Variants in ELOVL6 observed in about 807,000 individuals in gnomAD.
ELOVL6 encodes ELOVL fatty acid elongase 6.
In ELOVL6, 8 loss-of-function variants were observed where a neutral mutation model predicts 31.7. That is an observed-to-expected ratio of 0.25 (90% CI 0.15 to 0.45). ELOVL6 has a LOEUF of 0.45. Among genes scored for constraint, ELOVL6 ranks in the 20% least tolerant of loss-of-function variants. The pLI is 1.00. For missense variants in ELOVL6, 126 were observed against 326.4 expected (o/e 0.39, Z 4.73); for synonymous variants, 101 against 117.7 (o/e 0.86, Z 0.92).
chr4:110,092,732 T>G (rs1209759527), intron 2 of ELOVL6, among the ~76,000 whole-genome samples: 1 of 152,196 alleles, frequency 6.6e-6, no homozygotes, highest in African/African-American at 2.4e-5. Flanking sequence ...TTAGGCAATT[T>G]CATTAAAAGT....
At chr4:110,085,831 C>A (rs1756248253) in intron 2 of ELOVL6, among the ~76,000 whole-genome samples, 1 of 152,186 alleles carries the variant, frequency 6.6e-6, no homozygotes, top group Non-Finnish European at 1.5e-5. Flanking sequence ...TCTCCCACCT[C>A]AGCCTCCTGA....
intron 2 of ELOVL6, among the ~76,000 whole-genome samples, chr4:110,094,033 T>C (rs1578475926): frequency 6.6e-6 from 1 of 151,994 alleles, no homozygotes; most frequent in African/African-American, 2.4e-5. Flanking sequence ...GGCAGATTAC[T>C]GAGGTCAGGA....
chr4:110,066,975 T>C (rs969985734), intron 2 of ELOVL6, among the ~76,000 whole-genome samples: 3 of 151,988 alleles, frequency 2.0e-5, no homozygotes, highest in Admixed American at 6.6e-5. Context: ...CGTCCATGTG[T>C]TCTCATTGAG....
chr4:110,133,988 A>G (rs1757740781), intron 1 of ELOVL6, among the ~76,000 whole-genome samples: 1 of 152,228 alleles, frequency 6.6e-6, no homozygotes, highest in South Asian at 2.1e-4. Context: ...TGATTATTTC[A>G]TGTATCCATT....
chr4:110,117,399 C>G (rs1259786139), intron 1 of ELOVL6, among the ~76,000 whole-genome samples: 1 of 152,152 alleles, frequency 6.6e-6, no homozygotes, highest in Non-Finnish European at 1.5e-5. Flanking sequence ...TGAATTGCTT[C>G]AAATTGATTT....
chr4:110,072,944 T>G (rs1036118016), intron 2 of ELOVL6, among the ~76,000 whole-genome samples: 3 of 152,200 alleles, frequency 2.0e-5, no homozygotes, highest in African/African-American at 7.2e-5. Context: ...CGAAATGATT[T>G]TGAAAATGAG....
chr4:110,088,993 T>C (rs1336110771), intron 2 of ELOVL6, among the ~76,000 whole-genome samples: 2 of 152,204 alleles, frequency 1.3e-5, no homozygotes, highest in Non-Finnish European at 2.9e-5. Context: ...CACTCGTGTT[T>C]CATTGTAGGG....
rs147392031 is a variant in ELOVL6 at position 110,092,591 on chromosome 4, G to A, written c.221+12906C>T. On this transcript the variant is annotated intron_variant, in intron 2 of 3. Coordinates refer to ENST00000302274, the MANE Select transcript of ELOVL6 (RefSeq NM_024090.3). ...TAATTCTCTGCTCACTAATGAGAAC[G>A]ACCAGAGAAGAAAAGTCTAGTATTT... is the stretch of plus-strand genomic sequence containing the variant. 6.2e-3 allele frequency among the ~76,000 whole-genome samples: 949 copies of A among 152,214 alleles called. 8 individuals are homozygous for A. The highest frequency in any genetic ancestry group is 0.022 in the African/African-American group (910 of 41,534).
chr4:110,172,421 C>G lies in ELOVL6; in HGVS notation c.89+25826G>C, dbSNP rs1172060330. Among the ~76,000 whole-genome samples, 5 of 152,176 alleles carry G rather than the reference C, an allele frequency of 3.3e-5. No individual in the cohort carries two copies. The South Asian group carries it at 1.0e-3, about 32-fold the overall frequency. ...ACCAGACACTTGTAGGAACTTAATT[C>G]TTATATTCCACCTGGGAGCAATGAT... is the stretch of plus-strand genomic sequence containing the variant. On this transcript the variant is annotated intron_variant, in intron 1 of 3. Coordinates refer to ENST00000302274, the MANE Select transcript of ELOVL6 (RefSeq NM_024090.3).
At position 110,100,681 on chromosome 4, in the gene ELOVL6, C is replaced by A. The variant is rs111478687; in HGVS notation, c.221+4816G>T. ...AGCAGTGAAATACACAAAAATTCCT[C>A]TTTTTGGTGATTTTCCAAAAGAAAA... On this transcript the variant is annotated intron_variant, in intron 2 of 3. Coordinates refer to ENST00000302274, the MANE Select transcript of ELOVL6 (RefSeq NM_024090.3). 7.1e-3 allele frequency among the ~76,000 whole-genome samples: 1,076 copies of A among 152,306 alleles called. 12 individuals are homozygous for A. Among genetic ancestry groups the A allele is most frequent in the African/African-American group, 0.024 (1,008 of 41,568 alleles).
At chr4:110,198,649 T>C (rs756877607), upstream of ELOVL6, 1 of 273,384 alleles carries the variant, frequency 3.7e-6, no homozygotes. Context: ...TTTTTACTCG[T>C]CTACAGGGAA....
At position 110,093,700 on chromosome 4, in the gene ELOVL6, AAC is replaced by A. The variant is rs1756485452; in HGVS notation, c.221+11795_221+11796del. Among the ~76,000 whole-genome samples the A allele has an allele frequency of 2.6e-5, 4 of 152,326 alleles. No individual in the cohort carries two copies. The South Asian group carries it at 6.2e-4, about 24-fold the overall frequency. On this transcript the variant is annotated intron_variant, in intron 2 of 3. Transcript: ENST00000302274. ...AAAGAGCACCTACTTAGGCACTAGA[AAC>A]ACAGCAGGAAATCAGACAGACAAAA...
intron 2 of ELOVL6, among the ~76,000 whole-genome samples, chr4:110,065,068 T>C (rs1014334950): frequency 3.9e-5 from 6 of 152,138 alleles, no homozygotes; most frequent in Non-Finnish European, 8.8e-5. Context: ...CTACAGCCTA[T>C]TGCAGGAGAC....
At chr4:110,084,185 A>ACATATATGTGATATAT (rs1756066319) in intron 2 of ELOVL6, among the ~76,000 whole-genome samples, 1 of 67,598 alleles carries the variant, frequency 1.5e-5, no homozygotes, top group Admixed American at 1.7e-4. Context: ...GATATATATA[A>ACATATATGTGATATAT]CATATAACTT....
intron 2 of ELOVL6, among the ~76,000 whole-genome samples, chr4:110,072,677 C>A (rs1009175065): frequency 1.3e-5 from 2 of 152,024 alleles, no homozygotes; most frequent in Non-Finnish European, 2.9e-5. Flanking sequence ...CAGTGAAAAA[C>A]CCTGGGAGCA....
At chr4:110,160,368 C>T (rs1381542654) in intron 1 of ELOVL6, among the ~76,000 whole-genome samples, 1 of 152,110 alleles carries the variant, frequency 6.6e-6, no homozygotes, top group Non-Finnish European at 1.5e-5. Context: ...TTCCACTGGC[C>T]CACCCACCCC....
chr4:110,156,553 C>A (rs1209473839), intron 1 of ELOVL6, among the ~76,000 whole-genome samples: 1 of 151,918 alleles, frequency 6.6e-6, no homozygotes, highest in Non-Finnish European at 1.5e-5. Flanking sequence ...AGGCATGGCA[C>A]CAAGCATCTG....
intron 2 of ELOVL6, among the ~76,000 whole-genome samples, chr4:110,062,991 G>T (rs1235799561): frequency 6.6e-6 from 1 of 152,112 alleles, no homozygotes; most frequent in Non-Finnish European, 1.5e-5. Flanking sequence ...GGTGCTCAAC[G>T]AAACAGTTTT....
At chr4:110,142,526 T>G (rs1757993577) in intron 1 of ELOVL6, among the ~76,000 whole-genome samples, 1 of 152,214 alleles carries the variant, frequency 6.6e-6, no homozygotes, top group South Asian at 2.1e-4. Context: ...ATCAGTCTAC[T>G]CATTTAGTTT....
Sources: allele counts gnomAD v4.1 joint callset (sites outside exome capture counted in the v4.1 genomes callset), GRCh38; gene constraint gnomAD v4.1.1; transcripts MANE v1.5; gene names NCBI Gene and HGNC (gene_info 2026-07-23, HGNC 2026-07-21).